The following SLC1A6 variants were observed in gnomAD, a reference collection of about 807,000 sequenced individuals.
SLC1A6 encodes the protein solute carrier family 1 member 6, also known as excitatory amino acid transporter 4.
A neutral mutation model predicts 42.1 loss-of-function variants in SLC1A6; 15 were observed. That is an observed-to-expected ratio of 0.36 (90% CI 0.24 to 0.55). The LOEUF (loss-of-function observed/expected upper bound fraction) is 0.55, where lower values mean the gene tolerates loss of function less well. Among genes scored for constraint, SLC1A6 ranks in the 20% least tolerant of loss-of-function variants. The pLI, the probability that SLC1A6 is intolerant of heterozygous loss-of-function variation, is 0.88. For synonymous variants in SLC1A6, 317 were observed against 319.7 expected, an observed-to-expected ratio of 0.99 and a Z score of 0.09; for missense variants, 542 against 772.5, an observed-to-expected ratio of 0.70 and a Z score of 3.54.
chr19:14,978,220 T>C (rs2045732209), intron 1 of SLC1A6: 2 of 152,372 alleles, frequency 1.3e-5, no homozygotes, highest in Non-Finnish European at 2.9e-5. Flanking sequence ...TCCCGACCTC[T>C]AGACACTTAG....
chr19:14,997,178 C>A (rs2045851510), intron 1 of SLC1A6, among the ~76,000 whole-genome samples: 1 of 152,170 alleles, frequency 6.6e-6, no homozygotes, highest in Non-Finnish European at 1.5e-5. Flanking sequence ...ATCTGCTTGC[C>A]TCCTTTGGAA....
At chr19:15,005,853 T>C (rs1471151563) in intron 1 of SLC1A6, among the ~76,000 whole-genome samples, 1 of 152,242 alleles carries the variant, frequency 6.6e-6, no homozygotes, top group Non-Finnish European at 1.5e-5. Flanking sequence ...CATGCAGATC[T>C]GGCATGAGGA....
At chr19:14,963,196 C>A (rs1234086465) in intron 5 of SLC1A6, among the ~76,000 whole-genome samples, 1 of 152,138 alleles carries the variant, frequency 6.6e-6, no homozygotes, top group African/African-American at 2.4e-5. Flanking sequence ...GTGAAATAAA[C>A]CAGGCACAGA....
upstream of SLC1A6, among the ~76,000 whole-genome samples, chr19:14,983,496 A>G (rs1335183348): frequency 6.6e-6 from 1 of 151,892 alleles, no homozygotes; most frequent in Non-Finnish European, 1.5e-5. Flanking sequence ...GACCAGCCTG[A>G]GCAACATATT....
At chr19:15,005,755 G>A (rs570534752) in intron 1 of SLC1A6, among the ~76,000 whole-genome samples, 26 of 152,308 alleles carry the variant, frequency 1.7e-4, no homozygotes, top group African/African-American at 5.8e-4. Flanking sequence ...TGGTGTCAGC[G>A]TGTTAAACTA....
intron 1 of SLC1A6, chr19:14,973,366 G>A (rs934871960): frequency 1.2e-5 from 2 of 161,714 alleles, no homozygotes; most frequent in Non-Finnish European, 2.7e-5. Flanking sequence ...GCTGCAGTGA[G>A]CTGTGACTGC....
At chr19:14,966,134 T>C (rs1395365411) in intron 4 of SLC1A6, among the ~76,000 whole-genome samples, 3 of 152,160 alleles carry the variant, frequency 2.0e-5, no homozygotes, top group Admixed American at 6.6e-5. Context: ...TTCTCCACTA[T>C]ATAATTCATC....
intron 6 of SLC1A6, among the ~76,000 whole-genome samples, chr19:14,960,418 T>C (rs1244736440): frequency 6.6e-6 from 1 of 152,058 alleles, no homozygotes; most frequent in Non-Finnish European, 1.5e-5. Flanking sequence ...CATGAGTGAG[T>C]TAACTGATGC....
At chr19:14,972,629 G>T in intron 2 of SLC1A6, 77 bp downstream of exon 2, 1 of 1,219,078 alleles carries the variant, frequency 8.2e-7, no homozygotes, top group Non-Finnish European at 1.2e-6. Context: ...GCAGCAAAGA[G>T]ATGTGTAGAG....
intron 1 of SLC1A6, among the ~76,000 whole-genome samples, chr19:14,990,781 CAAAACAAAAAAAA>C (rs2045815796): frequency 2.4e-5 from 1 of 41,212 alleles, no homozygotes; most frequent in South Asian, 6.2e-4. Flanking sequence ...AAAAACAAAA[CAAAACAAAAAAAA>C]AAAAAAACGA....
At chr19:14,955,416 A>G (rs550566727) in intron 7 of SLC1A6, among the ~76,000 whole-genome samples, 1 of 151,920 alleles carries the variant, frequency 6.6e-6, no homozygotes, top group African/African-American at 2.4e-5. Context: ...CCCCGTCTCT[A>G]CCAAAAACAA....
At chr19:14,987,285 G>A (rs1348059579) in intron 1 of SLC1A6, among the ~76,000 whole-genome samples, 3 of 151,972 alleles carry the variant, frequency 2.0e-5, no homozygotes, top group African/African-American at 7.3e-5. Flanking sequence ...TGACCAACAT[G>A]GCGAAATACC....
intron 1 of SLC1A6, among the ~76,000 whole-genome samples, chr19:15,007,523 A>G (rs1473816298): frequency 6.7e-6 from 1 of 150,214 alleles, no homozygotes; most frequent in African/African-American, 2.5e-5. Flanking sequence ...CCTTAAAATC[A>G]TTCATTGTAT....
chr19:14,965,892 T>C (rs1001963878), intron 4 of SLC1A6, among the ~76,000 whole-genome samples: 3 of 151,264 alleles, frequency 2.0e-5, no homozygotes, highest in Non-Finnish European at 4.4e-5. Flanking sequence ...TTTGGCATGG[T>C]TGGAGCTGGG....
At chr19:14,970,507 C>T (rs373612807) in intron 3 of SLC1A6, among the ~76,000 whole-genome samples, 3 of 151,526 alleles carry the variant, frequency 2.0e-5, no homozygotes, top group South Asian at 2.1e-4. Flanking sequence ...GTCAGGAGAT[C>T]GAGACCATCC....
At chr19:14,969,131 C>T (rs141992401) in intron 3 of SLC1A6, among the ~76,000 whole-genome samples, 200 of 152,266 alleles carry the variant, frequency 1.3e-3, no homozygotes, top group African/African-American at 4.5e-3. Flanking sequence ...TGAGCCACTG[C>T]GCCTGGCCCA....
intron 9 of SLC1A6, among the ~76,000 whole-genome samples, chr19:14,952,273 CAA>C (rs71168528): frequency 0.68 from 99,660 of 145,514 alleles, 33,799 homozygotes; most frequent in African/African-American, 0.75. Flanking sequence ...AACATAATCT[CAA>C]AAAAAAAAAA....
rs1199126592 is a variant in SLC1A6, at chr19:14,950,151, C to T, written c.*44G>A. On this transcript the variant is annotated 3_prime_UTR_variant, in exon 10 of 10. Coordinates refer to ENST00000594383, the MANE Select transcript of SLC1A6 (RefSeq NM_005071.3). The stretch of plus-strand genomic sequence containing the variant: ...GATGTGTCACCAGGACTCCCCTCCC[C>T]AGCCCCCTTCCCTCCTCTCTGGGGG... The T allele has an allele frequency of 2.1e-6, 3 of 1,407,938 alleles. No homozygotes were observed. The South Asian group carries it at 4.6e-5, about 21-fold the overall frequency. The allele number at this position is 1,407,938 out of a possible 1,614,324, so 87.2% of individuals were successfully genotyped here.
chr19:14,989,939 C>A (rs1447368261), intron 1 of SLC1A6, among the ~76,000 whole-genome samples: 1 of 151,942 alleles, frequency 6.6e-6, no homozygotes, highest in Non-Finnish European at 1.5e-5. Context: ...TTGCAGTGAG[C>A]CAAGTTCATG....
Sources: gnomAD v4.1 joint callset for allele counts (sites outside exome capture counted in the v4.1 genomes callset) on GRCh38, gnomAD v4.1.1 for gene constraint, MANE v1.5 for transcripts, NCBI Gene and HGNC (gene_info 2026-07-23, HGNC 2026-07-21) for gene names.